The following SYN3 variants were observed in gnomAD, a reference collection of about 807,000 sequenced individuals.
SYN3 encodes synapsin-3.
In SYN3, 35 loss-of-function variants were observed where a neutral mutation model predicts 65.8. The observed-to-expected ratio is 0.53, with a 90% CI of 0.41 to 0.70. The LOEUF is 0.70. Ranked by LOEUF, SYN3 falls within the 30% of genes least tolerant of loss-of-function variation. The pLI is 0.00. For synonymous variants in SYN3, 270 were observed against 292.9 expected, an observed-to-expected ratio of 0.92 and a Z score of 0.80; for missense variants, 680 against 749.0, an observed-to-expected ratio of 0.91 and a Z score of 1.08.
chr22:32,818,743 G>A (rs1317020788), intron 6 of SYN3, among the ~76,000 whole-genome samples: 2 of 152,180 alleles, frequency 1.3e-5, no homozygotes, highest in Non-Finnish European at 2.9e-5. Flanking sequence ...GGCCTAGGGG[G>A]AAAGTCTCAG....
Position 32,859,240 on chromosome 22 carries a change from G to A in SYN3, c.711+5675C>T, listed in dbSNP as rs1042630476. The A allele has an allele frequency of 6.2e-7, 1 of 1,614,140 alleles. No homozygotes were observed. Among genetic ancestry groups the A allele is most frequent in the East Asian group, 2.2e-5 (1 of 44,874 alleles). On this transcript the variant is annotated intron_variant, in intron 6 of 13. Coordinates refer to ENST00000358763, the MANE Select transcript of SYN3 (RefSeq NM_003490.4). Reference sequence around the variant, plus strand: ...TTCCAAGAACGAGTGTCTCTGGACCGACATGCTCTCCAATTTCGGTTACCC... The same window carrying A: ...TTCCAAGAACGAGTGTCTCTGGACCAACATGCTCTCCAATTTCGGTTACCC...
At chr22:32,705,081 G>A (rs569237203) in intron 6 of SYN3, among the ~76,000 whole-genome samples, 33 of 152,212 alleles carry the variant, frequency 2.2e-4, no homozygotes, top group African/African-American at 7.7e-4. Flanking sequence ...GTCAATTTTT[G>A]CTTTTGTTGC....
At chr22:32,913,991 C>T (rs2146597131) in intron 4 of SYN3, among the ~76,000 whole-genome samples, 1 of 152,312 alleles carries the variant, frequency 6.6e-6, no homozygotes, top group South Asian at 2.1e-4. Flanking sequence ...GACTATATGG[C>T]ATTGTTGCAA....
chr22:32,908,790 T>C (rs2049971810), intron 4 of SYN3, among the ~76,000 whole-genome samples: 1 of 152,166 alleles, frequency 6.6e-6, no homozygotes, highest in Non-Finnish European at 1.5e-5. Flanking sequence ...CAGTTTAAGC[T>C]GGTTAATACT....
chr22:32,753,916 A>G (rs2045216434), intron 6 of SYN3, among the ~76,000 whole-genome samples: 2 of 152,104 alleles, frequency 1.3e-5, no homozygotes, highest in African/African-American at 2.4e-5. Flanking sequence ...TCTCATCCCC[A>G]TTTTCCATAT....
intron 6 of SYN3, among the ~76,000 whole-genome samples, chr22:32,840,501 A>ACCCCCAG (rs1176523369): frequency 4.7e-4 from 69 of 145,600 alleles, no homozygotes; most frequent in East Asian, 2.3e-4. Flanking sequence ...GCCGCTCCCC[A>ACCCCCAG]CCCCCAGCCC....
chr22:32,928,053 G>A (rs541344980), intron 4 of SYN3, among the ~76,000 whole-genome samples: 105 of 152,254 alleles, frequency 6.9e-4, no homozygotes, highest in African/African-American at 1.9e-3. Context: ...TTTATTGGCC[G>A]GGCGCAGTGG....
intron 2 of SYN3, among the ~76,000 whole-genome samples, chr22:32,992,713 TGAG>T (rs2052755844): frequency 1.3e-5 from 2 of 152,130 alleles, no homozygotes; most frequent in South Asian, 4.2e-4. Context: ...CTGGGGAGGC[TGAG>T]ACAGGAGAAT....
At chr22:32,723,308 G>A (rs574577009) in intron 6 of SYN3, among the ~76,000 whole-genome samples, 2 of 152,352 alleles carry the variant, frequency 1.3e-5, no homozygotes, top group Admixed American at 6.5e-5. Context: ...ATGGGGACAG[G>A]AAGAGTGTTC....
At chr22:32,534,914 A>G (rs2038176340) in intron 9 of SYN3, among the ~76,000 whole-genome samples, 2 of 151,846 alleles carry the variant, frequency 1.3e-5, no homozygotes, top group Admixed American at 6.6e-5. Context: ...GATCTCCTTG[A>G]CTCCCAGTCC....
At chr22:32,987,110 C>A (rs1231043824) in intron 2 of SYN3, among the ~76,000 whole-genome samples, 1 of 152,052 alleles carries the variant, frequency 6.6e-6, no homozygotes, top group African/African-American at 2.4e-5. Context: ...GCAGCCAGGG[C>A]TTGGTGATGT....
chr22:33,004,872 C>T (rs1348217463), intron 2 of SYN3, among the ~76,000 whole-genome samples: 1 of 152,044 alleles, frequency 6.6e-6, no homozygotes, highest in Non-Finnish European at 1.5e-5. Flanking sequence ...GTGTACCCAC[C>T]CAAATTTCAT....
At chr22:32,845,843 C>T (rs915666068) in intron 6 of SYN3, among the ~76,000 whole-genome samples, 1 of 152,252 alleles carries the variant, frequency 6.6e-6, no homozygotes, top group Non-Finnish European at 1.5e-5. Flanking sequence ...ACCCCACTTC[C>T]CTTGTTCCCT....
chr22:33,047,139 C>A (rs1017200981), intron 1 of SYN3, among the ~76,000 whole-genome samples: 1 of 152,076 alleles, frequency 6.6e-6, no homozygotes, highest in African/African-American at 2.4e-5. Flanking sequence ...CATACTGTTT[C>A]GTTTTTCTTC....
chr22:32,767,622 T>C (rs556061385), intron 6 of SYN3, among the ~76,000 whole-genome samples: 2 of 152,358 alleles, frequency 1.3e-5, no homozygotes, highest in South Asian at 4.1e-4. Context: ...TGTAAGAACA[T>C]TATTCCACTG....
chr22:32,750,556 C>T (rs1468770435), intron 6 of SYN3, among the ~76,000 whole-genome samples: 2 of 152,116 alleles, frequency 1.3e-5, no homozygotes, highest in Non-Finnish European at 2.9e-5. Context: ...GACTTAGACT[C>T]TTTGTGGGAT....
At chr22:32,574,353 C>T (rs943251829) in intron 7 of SYN3, among the ~76,000 whole-genome samples, 1 of 152,034 alleles carries the variant, frequency 6.6e-6, no homozygotes, top group Admixed American at 6.5e-5. Context: ...GTGGTGCACG[C>T]CAGTAGTCCC....
At chr22:32,778,095 A>T (rs559776990) in intron 6 of SYN3, among the ~76,000 whole-genome samples, 2 of 152,324 alleles carry the variant, frequency 1.3e-5, no homozygotes, top group East Asian at 3.9e-4. Context: ...GCTGGTGAAG[A>T]CACATTAGGA....
At position 32,509,940 on chromosome 22, in the gene SYN3, G is replaced by T. The variant is rs2057673620; in HGVS notation, c.*3752C>A. On this transcript the variant is annotated 3_prime_UTR_variant, in exon 14 of 14. Coordinates refer to ENST00000358763, the MANE Select transcript of SYN3 (RefSeq NM_003490.4). Reference sequence around the variant, plus strand: ...TCATGGATCTGGATATATGAGTATGGTTATAAAAATCAGGATGCCTGGCCT... The same window carrying T: ...TCATGGATCTGGATATATGAGTATGTTTATAAAAATCAGGATGCCTGGCCT... Among the ~76,000 whole-genome samples the T allele has an allele frequency of 6.6e-6, 1 of 152,154 alleles. No homozygotes were observed. Among genetic ancestry groups the T allele is most frequent in the African/African-American group, 2.4e-5 (1 of 41,436 alleles).
Sources: allele counts gnomAD v4.1 joint callset (sites outside exome capture counted in the v4.1 genomes callset), GRCh38; gene constraint gnomAD v4.1.1; transcripts MANE v1.5; gene names NCBI Gene and HGNC (gene_info 2026-07-23, HGNC 2026-07-21).